Variants in ATXN7L1 observed in about 807,000 individuals in gnomAD.
ATXN7L1 encodes the protein ataxin-7-like protein 1.
In ATXN7L1, 15 loss-of-function variants were observed where a neutral mutation model predicts 70.8. The observed-to-expected ratio is 0.21, with a 90% CI of 0.14 to 0.33. The LOEUF (loss-of-function observed/expected upper bound fraction) is 0.33. Ranked by LOEUF, ATXN7L1 falls within the 10% of genes least tolerant of loss-of-function variation. The pLI is 1.00. For synonymous variants in ATXN7L1, 440 were observed against 445.1 expected (o/e 0.99, Z 0.14); for missense variants, 975 against 1,097.1 (o/e 0.89, Z 1.57).
At chr7:105,664,575 G>GTGTATATATATATATA in intron 4 of ATXN7L1, among the ~76,000 whole-genome samples, 2 of 131,978 alleles carry the variant, frequency 1.5e-5, no homozygotes, top group Non-Finnish European at 3.3e-5. Context: ...GTATGTGTGT[G>GTGTATATATATATATA]TATATATATA....
At chr7:105,704,954 T>G (rs1256808279) in intron 3 of ATXN7L1, among the ~76,000 whole-genome samples, 1 of 152,092 alleles carries the variant, frequency 6.6e-6, no homozygotes, top group Non-Finnish European at 1.5e-5. Flanking sequence ...CCAAGCACAC[T>G]CTCCTGTGCT....
Position 105,613,970 on chromosome 7 carries a change from T to C in ATXN7L1, c.2364A>G (p.Lys788=). 6.4e-7 allele frequency: 1 copy of C among 1,552,328 alleles called. No homozygotes were observed. Among genetic ancestry groups the C allele is most frequent in the Non-Finnish European group, 8.7e-7 (1 of 1,147,138 alleles). The change falls in exon 10 of 12, where the codon AAA becomes AAG. Residue 788 remains lysine (K), a synonymous_variant. Coordinates refer to ENST00000419735, the MANE Select transcript of ATXN7L1 (RefSeq NM_020725.2). The stretch of plus-strand genomic sequence containing the variant: ...CAGGCATTTTAGTGATTTTACAGGC[T>C]TTGCTACTAGAACTCGAGTTCTTAC... ...KKRKNSSSSS[K]ACKITKMPGM...
At chr7:105,731,682 G>A (rs894111444) in intron 3 of ATXN7L1, among the ~76,000 whole-genome samples, 19 of 149,192 alleles carry the variant, frequency 1.3e-4, no homozygotes, top group East Asian at 1.2e-3. Context: ...TGATCTGCCC[G>A]CCTCCACCTC....
At chr7:105,824,730 T>C (rs546039115) in intron 2 of ATXN7L1, among the ~76,000 whole-genome samples, 1 of 151,896 alleles carries the variant, frequency 6.6e-6, no homozygotes, top group African/African-American at 2.4e-5. Context: ...CCACCACCAG[T>C]AAAAGAACGT....
intron 3 of ATXN7L1, among the ~76,000 whole-genome samples, chr7:105,688,491 C>T (rs183572968): frequency 2.3e-3 from 342 of 151,914 alleles, no homozygotes; most frequent in African/African-American, 7.8e-3. Flanking sequence ...TGCAGTGAGC[C>T]GTGATCGTGC....
intron 2 of ATXN7L1, among the ~76,000 whole-genome samples, chr7:105,850,397 T>C (rs1814699581): frequency 6.6e-6 from 1 of 152,234 alleles, no homozygotes; most frequent in South Asian, 2.1e-4. Flanking sequence ...TTCCAGGGGC[T>C]ACTCAATGGC....
At chr7:105,814,456 T>C (rs1371148151) in intron 2 of ATXN7L1, among the ~76,000 whole-genome samples, 1 of 152,104 alleles carries the variant, frequency 6.6e-6, no homozygotes, top group Non-Finnish European at 1.5e-5. Flanking sequence ...TTCCAGGTTG[T>C]ATGTCTGAGG....
intron 3 of ATXN7L1, among the ~76,000 whole-genome samples, chr7:105,702,298 A>C (rs1268278129): frequency 2.0e-5 from 3 of 152,194 alleles, no homozygotes; most frequent in Non-Finnish European, 2.9e-5. Flanking sequence ...CCCTATGGGG[A>C]CTGGTACAGA....
At chr7:105,799,119 A>G (rs1463801702) in intron 2 of ATXN7L1, among the ~76,000 whole-genome samples, 1 of 152,250 alleles carries the variant, frequency 6.6e-6, no homozygotes, top group Admixed American at 6.5e-5. Flanking sequence ...AACACGTTGC[A>G]GGACTACACT....
intron 2 of ATXN7L1, among the ~76,000 whole-genome samples, chr7:105,789,182 C>T (rs1051133720): frequency 6.6e-6 from 1 of 152,228 alleles, no homozygotes; most frequent in Non-Finnish European, 1.5e-5. Flanking sequence ...GTTTCCCCAT[C>T]ACTTGAGGGA....
rs1268322701 is a variant in ATXN7L1, at chr7:105,620,382, A to G, written c.1396-61T>C. 8 of 1,442,126 alleles carry G rather than the reference A, an allele frequency of 5.5e-6. No individual in the cohort carries two copies. In the African/African-American group the frequency reaches 7.2e-5, roughly 13 times the overall value. 89.3% of individuals were successfully genotyped at this position (1,442,126 alleles called of 1,614,324 possible). On this transcript the variant is annotated intron_variant, in intron 8 of 11. Coordinates refer to ENST00000419735, the MANE Select transcript of ATXN7L1 (RefSeq NM_020725.2). Reference sequence around the variant, plus strand: ...GTTAATAAGCTAATATAAACTATACAGAGAAAAATAACATTTACATAAAAA... The same window carrying G: ...GTTAATAAGCTAATATAAACTATACGGAGAAAAATAACATTTACATAAAAA...
At chr7:105,796,646 A>T (rs1806035887) in intron 2 of ATXN7L1, among the ~76,000 whole-genome samples, 1 of 152,248 alleles carries the variant, frequency 6.6e-6, no homozygotes. Context: ...TCAAATCTGG[A>T]CATAGAATGG....
chr7:105,818,656 C>T (rs1410864987), intron 2 of ATXN7L1, among the ~76,000 whole-genome samples: 1 of 152,156 alleles, frequency 6.6e-6, no homozygotes, highest in African/African-American at 2.4e-5. Flanking sequence ...AAAAGGAAGT[C>T]CCCAAAAGTT....
intron 2 of ATXN7L1, among the ~76,000 whole-genome samples, chr7:105,804,461 T>C (rs921874813): frequency 6.6e-6 from 1 of 152,122 alleles, no homozygotes; most frequent in African/African-American, 2.4e-5. Flanking sequence ...GGAAACATCT[T>C]AGGGAAAATT....
chr7:105,738,172 A>G (rs1359179020), intron 3 of ATXN7L1, among the ~76,000 whole-genome samples: 3 of 152,238 alleles, frequency 2.0e-5, no homozygotes, highest in Non-Finnish European at 4.4e-5. Context: ...TCACTTCCAG[A>G]ACAAAAGCTC....
At chr7:105,657,702 CAAAAAAAA>C (rs71155465) in intron 4 of ATXN7L1, among the ~76,000 whole-genome samples, 13 of 26,114 alleles carry the variant, frequency 5.0e-4, no homozygotes, top group South Asian at 2.4e-3. Context: ...GACCCTGTCT[CAAAAAAAA>C]AAAAAAAAAA....
intron 4 of ATXN7L1, among the ~76,000 whole-genome samples, chr7:105,644,149 G>C (rs937603868): frequency 2.0e-5 from 3 of 152,138 alleles, no homozygotes; most frequent in African/African-American, 7.2e-5. Flanking sequence ...GACAATGTAG[G>C]GCAGGAAAGA....
intron 3 of ATXN7L1, among the ~76,000 whole-genome samples, chr7:105,708,634 A>G (rs1447923289): frequency 6.6e-6 from 1 of 152,246 alleles, no homozygotes; most frequent in African/African-American, 2.4e-5. Flanking sequence ...TGAGGTGTTA[A>G]GTTCCTTCCT....
chr7:105,746,821 A>G (rs1798641680), intron 3 of ATXN7L1, among the ~76,000 whole-genome samples: 1 of 152,244 alleles, frequency 6.6e-6, no homozygotes, highest in African/African-American at 2.4e-5. Flanking sequence ...ATTTATTTTA[A>G]AAAGGAAAAA....
Sources: gnomAD v4.1 joint callset for allele counts (sites outside exome capture counted in the v4.1 genomes callset) on GRCh38, gnomAD v4.1.1 for gene constraint, MANE v1.5 for transcripts, NCBI Gene and HGNC (gene_info 2026-07-23, HGNC 2026-07-21) for gene names.